SRPK2: variants seen among roughly 807,000 people sequenced by gnomAD.
SRPK2 encodes SFRS protein kinase 2.
SRPK2 carries 21 observed loss-of-function variants against 90.8 expected under a neutral mutation model. The ratio of observed to expected loss-of-function variants is 0.23; its 90% CI spans 0.16 to 0.33. The LOEUF (loss-of-function observed/expected upper bound fraction) is 0.33, where lower values mean the gene tolerates loss of function less well. Ranked by LOEUF, SRPK2 falls within the 10% of genes least tolerant of loss-of-function variation. The pLI is 1.00. For synonymous variants in SRPK2, 288 were observed against 311.1 expected, an observed-to-expected ratio of 0.93 and a Z score of 0.78; for missense variants, 620 against 869.0, an observed-to-expected ratio of 0.71 and a Z score of 3.60.
chr7:105,261,344 A>T (rs1763548498), intron 2 of SRPK2, among the ~76,000 whole-genome samples: 1 of 151,988 alleles, frequency 6.6e-6, no homozygotes. Flanking sequence ...ACACTGTGAA[A>T]CCCCGTCTCT....
At chr7:105,334,077 A>G (rs1814767761) in intron 2 of SRPK2, among the ~76,000 whole-genome samples, 1 of 140,310 alleles carries the variant, frequency 7.1e-6, no homozygotes, top group African/African-American at 2.7e-5. Flanking sequence ...CGCCCACCTA[A>G]TTTTATTTTA....
At chr7:105,322,896 A>C (rs567324891) in intron 2 of SRPK2, among the ~76,000 whole-genome samples, 1 of 152,264 alleles carries the variant, frequency 6.6e-6, no homozygotes, top group East Asian at 1.9e-4. Context: ...CTGGAGACAA[A>C]ACACAGGATC....
At chr7:105,222,574 ATCTACTC>A (rs966529764) in intron 2 of SRPK2, among the ~76,000 whole-genome samples, 6 of 152,274 alleles carry the variant, frequency 3.9e-5, no homozygotes, top group African/African-American at 1.4e-4. Context: ...CTACTTTAGT[ATCTACTC>A]TGAGCAGTGC....
rs572961053 is a variant in SRPK2, at chr7:105,151,138, T to C, written c.622-4480A>G. Among the ~76,000 whole-genome samples the C allele has an allele frequency of 2.0e-5, 3 of 152,346 alleles. No homozygotes were observed. The East Asian group carries it at 5.8e-4, about 29-fold the overall frequency. On this transcript the variant is annotated intron_variant, in intron 7 of 15. Coordinates refer to ENST00000393651, the MANE Select transcript of SRPK2 (RefSeq NM_182692.3). ...GGCTATTGCACTCAACTAGGCTAAC[T>C]TTCCTAAAACAGCAATGGGCAATAA...
At chr7:105,267,770 T>C (rs1805295067) in intron 2 of SRPK2, among the ~76,000 whole-genome samples, 1 of 151,710 alleles carries the variant, frequency 6.6e-6, no homozygotes, top group Non-Finnish European at 1.5e-5. Context: ...CTTCAACTCA[T>C]TTTTTTTGTA....
In SRPK2 at chr7:105,189,494, G is replaced by A. The variant is rs573633800; in HGVS notation, c.229+14134C>T. 6.5e-5 allele frequency: 10 copies of A among 154,032 alleles called. No individual in the cohort carries two copies. The East Asian group carries it at 9.6e-4, about 15-fold the overall frequency. 9.5% of individuals were successfully genotyped at this position (154,032 alleles called of 1,614,324 possible). On this transcript the variant is annotated intron_variant, in intron 3 of 15. Transcript: ENST00000393651. ...AAGCAAAGAAAAAAGAATCTCGGCC[G>A]GATGCAGTGGCTCACACCTGTAATC...
At chr7:105,158,401 T>C (rs929777518) in intron 7 of SRPK2, among the ~76,000 whole-genome samples, 3 of 152,226 alleles carry the variant, frequency 2.0e-5, no homozygotes, top group Non-Finnish European at 2.9e-5. Flanking sequence ...ATTACAGGCG[T>C]GTGCCACCAC....
intron 2 of SRPK2, among the ~76,000 whole-genome samples, chr7:105,229,189 C>T (rs1236310052): frequency 1.3e-5 from 2 of 152,186 alleles, no homozygotes; most frequent in Non-Finnish European, 1.5e-5. Context: ...TTTGGCCGAG[C>T]AAGGTGGCTC....
intron 6 of SRPK2, among the ~76,000 whole-genome samples, chr7:105,162,427 C>T (rs1038046479): frequency 1.3e-5 from 2 of 152,120 alleles, no homozygotes; most frequent in Admixed American, 6.6e-5. Context: ...GTCATTCATA[C>T]AGGAAGATTA....
intron 2 of SRPK2, among the ~76,000 whole-genome samples, chr7:105,259,377 A>C (rs184688229): frequency 7.0e-4 from 106 of 152,348 alleles, no homozygotes; most frequent in African/African-American, 2.5e-3. Flanking sequence ...TGAATGAAAT[A>C]AAAGAGGACA....
chr7:105,233,458 T>A (rs956407695), intron 2 of SRPK2, among the ~76,000 whole-genome samples: 1 of 152,168 alleles, frequency 6.6e-6, no homozygotes, highest in African/African-American at 2.4e-5. Context: ...ACTGACAGGC[T>A]CTTTAATGGA....
intron 2 of SRPK2, among the ~76,000 whole-genome samples, chr7:105,345,648 A>G (rs1321897134): frequency 1.3e-5 from 2 of 152,216 alleles, no homozygotes; most frequent in African/African-American, 4.8e-5. Flanking sequence ...TCGTTCATCT[A>G]TATATTCATT....
intron 2 of SRPK2, among the ~76,000 whole-genome samples, chr7:105,352,680 A>G (rs950392602): frequency 2.6e-5 from 4 of 152,196 alleles, no homozygotes; most frequent in Non-Finnish European, 4.4e-5. Flanking sequence ...TGGGCAGATT[A>G]CTTGAGGTCA....
intron 15 of SRPK2, among the ~76,000 whole-genome samples, chr7:105,123,640 G>A (rs974121528): frequency 3.9e-5 from 6 of 152,126 alleles, no homozygotes; most frequent in Middle Eastern, 3.4e-3. Flanking sequence ...CATGTTTCAC[G>A]CAGCAAGCCA....
At chr7:105,243,498 CCTCT>C (rs1018000346) in intron 2 of SRPK2, among the ~76,000 whole-genome samples, 3 of 151,868 alleles carry the variant, frequency 2.0e-5, no homozygotes, top group East Asian at 3.9e-4. Context: ...ATGGTGAAAC[CCTCT>C]CTCTACTAAA....
intron 2 of SRPK2, among the ~76,000 whole-genome samples, chr7:105,263,503 T>C (rs113158664): frequency 0.019 from 2,965 of 152,216 alleles, 99 homozygotes; most frequent in African/African-American, 0.066. Context: ...CTCACATAGG[T>C]AACCTCACAT....
At chr7:105,129,406 CCTT>C (rs1439632166) in intron 13 of SRPK2, among the ~76,000 whole-genome samples, 1 of 152,120 alleles carries the variant, frequency 6.6e-6, no homozygotes, top group African/African-American at 2.4e-5. Context: ...CCCAGTATAA[CCTT>C]CTATTGCCCA....
At chr7:105,356,075 T>C (rs1201675184) in intron 2 of SRPK2, among the ~76,000 whole-genome samples, 1 of 152,010 alleles carries the variant, frequency 6.6e-6, no homozygotes, top group Non-Finnish European at 1.5e-5. Flanking sequence ...TAAATAAATA[T>C]CACCATCAGG....
chr7:105,355,656 A>G (rs1009796841), intron 2 of SRPK2, among the ~76,000 whole-genome samples: 1 of 152,114 alleles, frequency 6.6e-6, no homozygotes, highest in Non-Finnish European at 1.5e-5. Context: ...TCCAAGAAAA[A>G]AAAGTGATAG....
Sources: allele counts gnomAD v4.1 joint callset (sites outside exome capture counted in the v4.1 genomes callset), GRCh38; gene constraint gnomAD v4.1.1; transcripts MANE v1.5; gene names NCBI Gene and HGNC (gene_info 2026-07-23, HGNC 2026-07-21).